RTN4R: variants seen among roughly 807,000 people sequenced by gnomAD.
The protein encoded by RTN4R is reticulon 4 receptor.
RTN4R carries 4 observed loss-of-function variants against 27.7 expected under a neutral mutation model. The ratio of observed to expected loss-of-function variants is 0.14; its 90% CI spans 0.07 to 0.33. The LOEUF (loss-of-function observed/expected upper bound fraction) is 0.33, where lower values mean the gene tolerates loss of function less well. Ranked by LOEUF, RTN4R falls within the 10% of genes least tolerant of loss-of-function variation. The probability of loss-of-function intolerance (pLI) is 1.00; values close to 1 mark genes in which losing one functional copy is unlikely to be tolerated. For missense variants in RTN4R, 554 were observed against 671.5 expected, an observed-to-expected ratio of 0.83 and a Z score of 1.93; for synonymous variants, 290 against 305.6, an observed-to-expected ratio of 0.95 and a Z score of 0.53.
intron 1 of RTN4R, among the ~76,000 whole-genome samples, chr22:20,265,888 C>T (rs2051274034): frequency 6.6e-6 from 1 of 152,234 alleles, no homozygotes; most frequent in African/African-American, 2.4e-5. Flanking sequence ...CCCCGATAAT[C>T]CCTGACCACT....
chr22:20,265,440 G>A (rs1007059984), intron 1 of RTN4R, among the ~76,000 whole-genome samples: 2 of 152,182 alleles, frequency 1.3e-5, no homozygotes, highest in African/African-American at 2.4e-5. Context: ...CTGGCTTTCA[G>A]AGACGTGCTG....
chr22:20,246,322 G>T (rs529198357), intron 1 of RTN4R, among the ~76,000 whole-genome samples: 1 of 152,328 alleles, frequency 6.6e-6, no homozygotes, highest in South Asian at 2.1e-4. Context: ...CAGGAGGCTG[G>T]GCAGCAAACA....
In RTN4R at chr22:20,266,047, G is replaced by A. The variant is rs180750159; in HGVS notation, c.22+2024C>T. ...TGCACGTGCCCCTCTGCCAGGTGGCGTCTAGGTGCTGATGGCCACCCATTC... is the reference window on the plus strand; with the variant it reads ...TGCACGTGCCCCTCTGCCAGGTGGCATCTAGGTGCTGATGGCCACCCATTC... On this transcript the variant is annotated intron_variant, in intron 1 of 1. Transcript: ENST00000043402. Among the ~76,000 whole-genome samples, 9 of 152,340 alleles carry A rather than the reference G, an allele frequency of 5.9e-5. 1 individual carries two copies. Among genetic ancestry groups the A allele is most frequent in the East Asian group, 5.8e-4 (3 of 5,188 alleles).
chr22:20,250,588 C>T (rs1377442158), intron 1 of RTN4R, among the ~76,000 whole-genome samples: 1 of 152,184 alleles, frequency 6.6e-6, no homozygotes, highest in African/African-American at 2.4e-5. Flanking sequence ...AGCCCAGCAA[C>T]CTCAGTGCAG....
chr22:20,241,578 G>T lies in RTN4R; in HGVS notation c.*133C>A. 1.1e-6 allele frequency: 1 copy of T among 940,654 alleles called. No individual in the cohort carries two copies. The highest frequency in any genetic ancestry group is 1.6e-6 in the Non-Finnish European group (1 of 625,072). The allele number at this position is 940,654 out of a possible 1,614,324, so 58.3% of individuals were successfully genotyped here. A position where few individuals can be genotyped will look rare whatever the true frequency, so the allele number is the denominator to read the frequency against. On this transcript the variant is annotated 3_prime_UTR_variant, in exon 2 of 2. Transcript: ENST00000043402. ...GGGGTGGAGATGGGGGTGGCGGGCG[G>T]CAGGCGTCCATCAGGGAGGACCTGG...
At position 20,242,268 on chromosome 22, in the gene RTN4R, G is replaced by A. The variant is rs1439334491; in HGVS notation, c.865C>T (p.Leu289Phe). ...RGSSSEVPCS[L>F]PQRLAGRDLK... ...TCACGGCCAGCCAGGCGTTGCGGGAGGCTGCAGGGCACCTCGGAGGAGGAG... is the reference window on the plus strand; with the variant it reads ...TCACGGCCAGCCAGGCGTTGCGGGAAGCTGCAGGGCACCTCGGAGGAGGAG... The change falls in exon 2 of 2, where the codon CTC becomes TTC. Residue 289 changes from leucine to phenylalanine, a missense_variant. Physicochemically the swap from Leu to Phe is conservative, Grantham distance 22 (BLOSUM62 0). Transcript: ENST00000043402. 1 of 1,598,870 alleles carries A rather than the reference G, an allele frequency of 6.3e-7. No homozygotes were observed. The highest frequency in any genetic ancestry group is 8.5e-7 in the Non-Finnish European group (1 of 1,173,848).
At chr22:20,250,507 C>T (rs1426415802) in intron 1 of RTN4R, among the ~76,000 whole-genome samples, 1 of 152,196 alleles carries the variant, frequency 6.6e-6, no homozygotes, top group African/African-American at 2.4e-5. Context: ...CTCAGACCCC[C>T]ACTAATGAAA....
rs774374869 is a variant in RTN4R, at chr22:20,242,026, C to T, written c.1107G>A (p.Pro369=). Reference sequence around the variant, plus strand: ...GCCGTGGGCCAGAGCCGTTGCCCGGCGGGCTGTCACCGGGCGGCACGCGTC... The same window carrying T: ...GCCGTGGGCCAGAGCCGTTGCCCGGTGGGCTGTCACCGGGCGGCACGCGTC... ...LKGRVPPGDS[P]PGNGSGPRHI... is the part of the protein sequence containing the mutation. Residue 369 remains proline (P), a synonymous_variant, in exon 2 of 2, where the codon CCG becomes CCA. Coordinates refer to ENST00000043402, the MANE Select transcript of RTN4R (RefSeq NM_023004.6). The T allele has an allele frequency of 5.6e-6, 9 of 1,611,616 alleles. No individual in the cohort carries two copies. The highest frequency in any genetic ancestry group is 4.5e-5 in the East Asian group (2 of 44,868).
intron 1 of RTN4R, among the ~76,000 whole-genome samples, chr22:20,264,098 G>C (rs574056621): frequency 6.6e-6 from 1 of 152,246 alleles, no homozygotes; most frequent in East Asian, 1.9e-4. Flanking sequence ...CGGGGGAGAG[G>C]CACGTGACCA....
intron 1 of RTN4R, chr22:20,267,571 T>C (rs541987327): frequency 4.3e-6 from 2 of 467,972 alleles, no homozygotes; most frequent in Non-Finnish European, 8.9e-6. Flanking sequence ...CGCCCTCTAC[T>C]GCCGCCAACG....
chr22:20,253,676 C>G (rs1204181261), intron 1 of RTN4R, among the ~76,000 whole-genome samples: 1 of 152,100 alleles, frequency 6.6e-6, no homozygotes, highest in Non-Finnish European at 1.5e-5. Flanking sequence ...GAGAATGATG[C>G]TAGAGGAAGC....
intron 1 of RTN4R, among the ~76,000 whole-genome samples, chr22:20,251,661 C>G (rs899238517): frequency 8.5e-6 from 1 of 117,756 alleles, no homozygotes; most frequent in African/African-American, 2.6e-5. Context: ...TCACCATCAC[C>G]ATCCTCAACA....
chr22:20,264,168 T>C (rs2051263925), intron 1 of RTN4R, among the ~76,000 whole-genome samples: 1 of 152,168 alleles, frequency 6.6e-6, no homozygotes, highest in Non-Finnish European at 1.5e-5. Flanking sequence ...CAGAGCTGCA[T>C]CTCCCAGTGT....
rs569528258 is a variant in RTN4R, at chr22:20,242,146, C to A, written c.987G>T (p.Pro329=). ...GCTGGCAGCACTTGGGAAGCCCCAG[C>A]GGCTCCTCATCGGTGGCCCTGCCGG... The part of the protein sequence containing the change: ...IWTGRATDEE[P]LGLPKCCQPD... The change falls in exon 2 of 2, where the codon CCG becomes CCT. Residue 329 remains proline, a synonymous_variant. Coordinates refer to ENST00000043402, the MANE Select transcript of RTN4R (RefSeq NM_023004.6). The A allele has an allele frequency of 1.9e-6, 3 of 1,612,026 alleles. No individual in the cohort carries two copies. The highest frequency in any genetic ancestry group is 1.6e-4 in the Middle Eastern group (1 of 6,082).
chr22:20,248,914 C>A lies in RTN4R; in HGVS notation c.23-5804G>T, dbSNP rs7290335. ...CGTGGAGGGCTCCAGAACCTTGCCC[C>A]ATCCAGCCCATACACCCCTCACTGG... On this transcript the variant is annotated intron_variant, in intron 1 of 1. Transcript: ENST00000043402. Among the ~76,000 whole-genome samples the A allele has an allele frequency of 9.5e-3, 1,442 of 152,280 alleles. 20 individuals are homozygous for A. Among genetic ancestry groups the A allele is most frequent in the African/African-American group, 0.033 (1,373 of 41,548 alleles).
chr22:20,249,908 A>C (rs1602642385), intron 1 of RTN4R, among the ~76,000 whole-genome samples: 1 of 152,220 alleles, frequency 6.6e-6, no homozygotes, highest in African/African-American at 2.4e-5. Context: ...AGCCTCAGTC[A>C]GCAGAACAGC....
chr22:20,262,513 C>T (rs1008862324), intron 1 of RTN4R, among the ~76,000 whole-genome samples: 4 of 152,188 alleles, frequency 2.6e-5, no homozygotes, highest in African/African-American at 9.7e-5. Flanking sequence ...TCCACATCCA[C>T]GCACTGCATT....
chr22:20,262,248 G>T (rs1602651642), intron 1 of RTN4R, among the ~76,000 whole-genome samples: 1 of 152,192 alleles, frequency 6.6e-6, no homozygotes, highest in South Asian at 2.1e-4. Flanking sequence ...GAGGCCCAAG[G>T]TGTGTAGTGT....
intron 1 of RTN4R, among the ~76,000 whole-genome samples, chr22:20,258,996 G>A (rs369354228): frequency 6.6e-6 from 1 of 152,072 alleles, no homozygotes; most frequent in African/African-American, 2.4e-5. Flanking sequence ...AGTGTGCACC[G>A]TCTCTCAGCC....
Sources: gnomAD v4.1 joint callset for allele counts (sites outside exome capture counted in the v4.1 genomes callset) on GRCh38, gnomAD v4.1.1 for gene constraint, MANE v1.5 for transcripts, NCBI Gene and HGNC (gene_info 2026-07-23, HGNC 2026-07-21) for gene names.